Variants in CDH8 observed in about 807,000 individuals in gnomAD.
CDH8 encodes cadherin-8.
A neutral mutation model predicts 68.1 loss-of-function variants in CDH8; 17 were observed. The observed-to-expected ratio is 0.25, with a 90% confidence interval of 0.17 to 0.37. The LOEUF (loss-of-function observed/expected upper bound fraction) is 0.37, where lower values mean the gene tolerates loss of function less well. Ranked by LOEUF, CDH8 falls within the 10% of genes least tolerant of loss-of-function variation. CDH8 has a pLI of 1.00. For missense variants in CDH8, 763 were observed against 999.3 expected (o/e 0.76, Z 3.19); for synonymous variants, 372 against 365.1 (o/e 1.02, Z -0.21).
chr16:61,685,238 G>A (rs1217121213), intron 10 of CDH8, among the ~76,000 whole-genome samples: 1 of 149,980 alleles, frequency 6.7e-6, no homozygotes, highest in African/African-American at 2.4e-5. Context: ...ATAACAAAAT[G>A]ACAAGGTGTA....
intron 2 of CDH8, among the ~76,000 whole-genome samples, chr16:61,969,672 C>T (rs1390009470): frequency 6.6e-6 from 1 of 152,156 alleles, no homozygotes; most frequent in African/African-American, 2.4e-5. Flanking sequence ...ACTGGACAAC[C>T]GGTGGAATAA....
chr16:61,921,887 C>T (rs1423792508), intron 2 of CDH8, among the ~76,000 whole-genome samples: 3 of 152,064 alleles, frequency 2.0e-5, no homozygotes, highest in East Asian at 1.9e-4. Flanking sequence ...AAAACTTAGT[C>T]GGGCACGGTG....
intron 4 of CDH8, among the ~76,000 whole-genome samples, chr16:61,847,398 G>A (rs1962829582): frequency 6.6e-6 from 1 of 151,702 alleles, no homozygotes; most frequent in Non-Finnish European, 1.5e-5. Flanking sequence ...ACTTTATGAG[G>A]AAACAAATTG....
intron 3 of CDH8, among the ~76,000 whole-genome samples, chr16:61,887,251 C>T (rs1019231690): frequency 1.3e-5 from 2 of 151,284 alleles, no homozygotes; most frequent in South Asian, 2.1e-4. Flanking sequence ...TCCATGAACA[C>T]ATTTTAAAGG....
chr16:61,771,472 CAAAAAAAAA>C (rs11355312), intron 8 of CDH8, among the ~76,000 whole-genome samples: 2 of 62,252 alleles, frequency 3.2e-5, no homozygotes, highest in Non-Finnish European at 7.1e-5. Flanking sequence ...AAAAGCCAGC[CAAAAAAAAA>C]AAAAAAAAAA....
intron 2 of CDH8, among the ~76,000 whole-genome samples, chr16:61,985,172 G>A (rs1965604531): frequency 1.3e-5 from 2 of 151,758 alleles, no homozygotes; most frequent in South Asian, 4.2e-4. Context: ...TCTGTAGATG[G>A]TAAGACTAAC....
intron 10 of CDH8, 83 bp downstream of exon 10, chr16:61,713,758 T>G: frequency 1.3e-6 from 1 of 748,820 alleles, no homozygotes; most frequent in Non-Finnish European, 2.3e-6. Context: ...ATTATCTTAA[T>G]GATAATTTTC....
intron 10 of CDH8, among the ~76,000 whole-genome samples, chr16:61,657,817 T>C (rs1411900642): frequency 6.6e-6 from 1 of 152,122 alleles, no homozygotes; most frequent in Admixed American, 6.5e-5. Flanking sequence ...CAGACTATTA[T>C]AATAATTTAG....
intron 2 of CDH8, among the ~76,000 whole-genome samples, chr16:61,920,193 G>A (rs1488919601): frequency 1.4e-5 from 2 of 140,540 alleles, no homozygotes; most frequent in African/African-American, 5.5e-5. Flanking sequence ...ATAGGCATGG[G>A]CAAGGACTTC....
intron 3 of CDH8, among the ~76,000 whole-genome samples, chr16:61,869,950 G>A (rs911211260): frequency 6.6e-6 from 1 of 152,286 alleles, no homozygotes; most frequent in Admixed American, 6.5e-5. Flanking sequence ...TAACAGCTGT[G>A]CCTTTCCAAC....
At chr16:62,029,610 C>T (rs780232469) in intron 1 of CDH8, among the ~76,000 whole-genome samples, 1 of 152,190 alleles carries the variant, frequency 6.6e-6, no homozygotes, top group Non-Finnish European at 1.5e-5. Context: ...AGAGTACAAG[C>T]ACTACCTGTT....
intron 4 of CDH8, among the ~76,000 whole-genome samples, chr16:61,841,583 A>C (rs1962684714): frequency 6.6e-6 from 1 of 152,190 alleles, no homozygotes; most frequent in African/African-American, 2.4e-5. Context: ...TTGAAAAAAT[A>C]AGTAAGACCT....
intron 10 of CDH8, 143 bp from the exon 11 acceptor site, chr16:61,655,864 G>T (rs1380292782): frequency 3.0e-6 from 2 of 669,684 alleles, no homozygotes; most frequent in Non-Finnish European, 4.9e-6. Flanking sequence ...TCCCTGACTC[G>T]TCTCCGCACT....
intron 7 of CDH8, among the ~76,000 whole-genome samples, chr16:61,795,236 T>G (rs1184987978): frequency 6.6e-6 from 1 of 152,064 alleles, no homozygotes; most frequent in African/African-American, 2.4e-5. Flanking sequence ...ATTTCAGAAT[T>G]CAAAGTATCT....
intron 9 of CDH8, among the ~76,000 whole-genome samples, chr16:61,721,369 G>A (rs1404347466): frequency 1.3e-5 from 2 of 150,964 alleles, no homozygotes; most frequent in Middle Eastern, 3.4e-3. Context: ...GATATATTAT[G>A]AAAGATGCCT....
intron 2 of CDH8, among the ~76,000 whole-genome samples, chr16:61,912,392 G>A (rs2143332232): frequency 6.6e-6 from 1 of 152,202 alleles, no homozygotes; most frequent in Admixed American, 6.5e-5. Flanking sequence ...AGCTTTGGAA[G>A]AATGCAGAAG....
intron 10 of CDH8, among the ~76,000 whole-genome samples, chr16:61,683,334 C>T (rs1440104509): frequency 1.3e-5 from 2 of 151,870 alleles, no homozygotes; most frequent in Non-Finnish European, 2.9e-5. Flanking sequence ...TAACATGGTA[C>T]AAAACCTAAA....
At chr16:61,872,247 G>T (rs941530502) in intron 3 of CDH8, among the ~76,000 whole-genome samples, 1 of 152,182 alleles carries the variant, frequency 6.6e-6, no homozygotes, top group East Asian at 1.9e-4. Flanking sequence ...AATCAATTTA[G>T]AAAGTTTATT....
intron 2 of CDH8, among the ~76,000 whole-genome samples, chr16:61,926,660 G>A (rs144573226): frequency 4.1e-4 from 63 of 152,294 alleles, no homozygotes; most frequent in Admixed American, 1.0e-3. Context: ...AGTGTGCTCA[G>A]TCACAGGAGG....
Sources: allele counts gnomAD v4.1 joint callset (sites outside exome capture counted in the v4.1 genomes callset), GRCh38; gene constraint gnomAD v4.1.1; transcripts MANE v1.5; gene names NCBI Gene and HGNC (gene_info 2026-07-23, HGNC 2026-07-21).